Variants in GPC6 observed in about 807,000 individuals in gnomAD.
GPC6 encodes the protein glypican-6.
A neutral mutation model predicts 55.2 loss-of-function variants in GPC6; 14 were observed. The observed-to-expected ratio is 0.25, with a 90% CI of 0.17 to 0.40. GPC6 has a LOEUF of 0.40. GPC6 is among the 10% of genes least tolerant of loss of function. The pLI is 1.00. For synonymous variants in GPC6, 278 were observed against 259.6 expected (o/e 1.07, Z -0.68); for missense variants, 641 against 708.5 (o/e 0.90, Z 1.08).
chr13:93,739,843 G>A (rs1805150761), intron 2 of GPC6, among the ~76,000 whole-genome samples: 1 of 152,182 alleles, frequency 6.6e-6, no homozygotes, highest in South Asian at 2.1e-4. Context: ...ATAGTCTAAT[G>A]AGAGTTTGGG....
chr13:93,760,911 C>G lies in GPC6; in HGVS notation c.320-69243C>G, dbSNP rs538118497. Among the ~76,000 whole-genome samples, 8 of 152,250 alleles carry G rather than the reference C, an allele frequency of 5.3e-5. No individual in the cohort carries two copies. The South Asian group carries it at 1.7e-3, about 32-fold the overall frequency. On this transcript the variant is annotated intron_variant, in intron 2 of 8. Transcript: ENST00000377047. Reference sequence around the variant, plus strand: ...AAGCACTAAAATATGTAAATTGTTGCTATTGTTCTTAAGTGCTTCTTAACA... The same window carrying G: ...AAGCACTAAAATATGTAAATTGTTGGTATTGTTCTTAAGTGCTTCTTAACA...
chr13:94,109,966 T>C (rs1001726540), intron 4 of GPC6, among the ~76,000 whole-genome samples: 1 of 151,610 alleles, frequency 6.6e-6, no homozygotes, highest in Admixed American at 6.6e-5. Context: ...TGGGACCTCT[T>C]TAAAGCTTCA....
rs1398743744 is a variant in GPC6, at chr13:94,299,271, ATTC to A, written c.1009-6704_1009-6702del. Among the ~76,000 whole-genome samples, 3 of 152,354 alleles carry A rather than the reference ATTC, an allele frequency of 2.0e-5. No individual in the cohort carries two copies. The East Asian group carries it at 5.8e-4, about 29-fold the overall frequency. On this transcript the variant is annotated intron_variant, in intron 5 of 8. Coordinates refer to ENST00000377047, the MANE Select transcript of GPC6 (RefSeq NM_005708.5). The stretch of plus-strand genomic sequence containing the variant: ...CCATTATACCTCATGTTTTCAGTGT[ATTC>A]TTCTATGCATCATATCATTCTATCT...
intron 1 of GPC6, among the ~76,000 whole-genome samples, chr13:93,298,227 C>A (rs71429516): frequency 0.027 from 4,061 of 152,254 alleles, 85 homozygotes; most frequent in Non-Finnish European, 0.042. Context: ...GACAACCACA[C>A]CCCATTCCCC....
chr13:94,328,223 T>C (rs1478653395), intron 6 of GPC6, among the ~76,000 whole-genome samples: 5 of 152,224 alleles, frequency 3.3e-5, no homozygotes, highest in African/African-American at 1.2e-4. Context: ...AGCAAATCTG[T>C]ATTTTTAACA....
chr13:93,494,633 T>C (rs1330235561), intron 1 of GPC6, among the ~76,000 whole-genome samples: 1 of 152,144 alleles, frequency 6.6e-6, no homozygotes, highest in Non-Finnish European at 1.5e-5. Context: ...GGTCTTTACA[T>C]TTTGGCATGA....
intron 3 of GPC6, among the ~76,000 whole-genome samples, chr13:93,875,207 T>C (rs1889253293): frequency 6.6e-6 from 1 of 151,966 alleles, no homozygotes; most frequent in Non-Finnish European, 1.5e-5. Context: ...TCCATTTTGT[T>C]TCCCAAGACT....
intron 6 of GPC6, among the ~76,000 whole-genome samples, chr13:94,314,427 C>G (rs1394855852): frequency 1.3e-5 from 2 of 152,198 alleles, no homozygotes; most frequent in East Asian, 3.8e-4. Context: ...TAAACAGAAG[C>G]TTTGTTGTCA....
intron 2 of GPC6, among the ~76,000 whole-genome samples, chr13:93,816,121 A>C (rs1403828630): frequency 1.3e-5 from 2 of 152,164 alleles, no homozygotes; most frequent in Non-Finnish European, 2.9e-5. Context: ...AGTCATTTAA[A>C]TCTAAGATTG....
intron 3 of GPC6, among the ~76,000 whole-genome samples, chr13:93,870,169 A>G (rs1889086701): frequency 6.6e-6 from 1 of 151,836 alleles, no homozygotes; most frequent in South Asian, 2.1e-4. Context: ...ACATAGCCTC[A>G]AGTTGTCTTG....
At chr13:93,312,248 G>T (rs556296284) in intron 1 of GPC6, among the ~76,000 whole-genome samples, 6 of 152,124 alleles carry the variant, frequency 3.9e-5, no homozygotes, top group African/African-American at 1.4e-4. Context: ...TTTTTGAGCA[G>T]ATTTTCTCAT....
intron 4 of GPC6, among the ~76,000 whole-genome samples, chr13:94,192,010 C>T (rs1447273751): frequency 6.6e-6 from 1 of 152,154 alleles, no homozygotes; most frequent in Non-Finnish European, 1.5e-5. Context: ...TCATATTTCA[C>T]TCCTACCTTC....
intron 2 of GPC6, among the ~76,000 whole-genome samples, chr13:93,650,979 T>C (rs1185563168): frequency 3.3e-5 from 5 of 152,188 alleles, no homozygotes; most frequent in Non-Finnish European, 7.3e-5. Flanking sequence ...TGTGCATTCA[T>C]GAACAAGCAT....
At chr13:94,018,359 C>T (rs542037157) in intron 3 of GPC6, among the ~76,000 whole-genome samples, 160 of 151,552 alleles carry the variant, frequency 1.1e-3, no homozygotes, top group Non-Finnish European at 2.0e-3. Flanking sequence ...GTGCGATCTC[C>T]GCTCACTGCA....
chr13:93,796,055 G>A (rs577726428), intron 2 of GPC6, among the ~76,000 whole-genome samples: 1 of 151,588 alleles, frequency 6.6e-6, no homozygotes, highest in Non-Finnish European at 1.5e-5. Flanking sequence ...AAGCAGCTGA[G>A]TATGGTGGCG....
intron 4 of GPC6, among the ~76,000 whole-genome samples, chr13:94,071,468 C>T (rs955437357): frequency 5.3e-5 from 8 of 152,116 alleles, no homozygotes; most frequent in Non-Finnish European, 8.8e-5. Context: ...TCCACATGCC[C>T]TTTGTTCTTT....
intron 1 of GPC6, among the ~76,000 whole-genome samples, chr13:93,322,780 ATTTG>A (rs984397322): frequency 4.0e-5 from 6 of 151,690 alleles, no homozygotes; most frequent in South Asian, 2.1e-4. Context: ...GTTGTTTTTA[ATTTG>A]TTTGTTTTTA....
intron 1 of GPC6, among the ~76,000 whole-genome samples, chr13:93,511,182 A>C (rs1163094346): frequency 1.3e-5 from 2 of 150,364 alleles, no homozygotes; most frequent in Admixed American, 1.3e-4. Flanking sequence ...TGCTGTGCAG[A>C]AGCATTTTAA....
At chr13:93,958,759 G>A (rs571210547) in intron 3 of GPC6, among the ~76,000 whole-genome samples, 30 of 152,136 alleles carry the variant, frequency 2.0e-4, no homozygotes, top group Non-Finnish European at 8.8e-5. Context: ...TATTTAATCT[G>A]TAAATTGTTT....
Sources: allele counts gnomAD v4.1 joint callset (sites outside exome capture counted in the v4.1 genomes callset), GRCh38; gene constraint gnomAD v4.1.1; transcripts MANE v1.5; gene names NCBI Gene and HGNC (gene_info 2026-07-23, HGNC 2026-07-21).